Variants in CTIF observed in about 807,000 individuals in gnomAD.
CTIF encodes cap binding complex dependent translation initiation factor.
CTIF carries 21 observed loss-of-function variants against 66.0 expected under a neutral mutation model. That is an observed-to-expected ratio of 0.32 (90% CI 0.23 to 0.46). The LOEUF (loss-of-function observed/expected upper bound fraction) is 0.46, where lower values mean the gene tolerates loss of function less well. Among genes scored for constraint, CTIF ranks in the 20% least tolerant of loss-of-function variants. The pLI, the probability that CTIF is intolerant of heterozygous loss-of-function variation, is 1.00. For missense variants in CTIF, 739 were observed against 812.7 expected, an observed-to-expected ratio of 0.91 and a Z score of 1.10; for synonymous variants, 345 against 326.4, an observed-to-expected ratio of 1.06 and a Z score of -0.62.
intron 10 of CTIF, chr18:48,826,034 A>T (rs2068575805): frequency 6.6e-6 from 1 of 152,226 alleles, no homozygotes; most frequent in Non-Finnish European, 1.5e-5. Context: ...GAGAGACCTG[A>T]GTTTGAATCC....
intron 9 of CTIF, among the ~76,000 whole-genome samples, chr18:48,814,129 C>T (rs143220476): frequency 1.7e-3 from 266 of 152,296 alleles, no homozygotes; most frequent in African/African-American, 5.3e-3. Flanking sequence ...CTGTTATCTT[C>T]CTTCTCAGTG....
chr18:48,747,713 C>A (rs1907367914), intron 7 of CTIF, among the ~76,000 whole-genome samples: 1 of 149,990 alleles, frequency 6.7e-6, no homozygotes, highest in Admixed American at 6.7e-5. Context: ...TCAAGACCAG[C>A]ATGGGCAACA....
At chr18:48,848,178 G>A (rs1468409681) in intron 10 of CTIF, among the ~76,000 whole-genome samples, 3 of 152,264 alleles carry the variant, frequency 2.0e-5, no homozygotes, top group South Asian at 4.2e-4. Context: ...CGCCACCACG[G>A]CCTTTACCCG....
chr18:48,706,902 C>T (rs879769919), intron 6 of CTIF, among the ~76,000 whole-genome samples: 5 of 152,154 alleles, frequency 3.3e-5, no homozygotes, highest in African/African-American at 7.2e-5. Flanking sequence ...ATTTAGTTAC[C>T]GGAAGTGGTC....
chr18:48,804,054 C>A (rs546186793), intron 9 of CTIF, among the ~76,000 whole-genome samples: 2 of 152,306 alleles, frequency 1.3e-5, no homozygotes, highest in African/African-American at 4.8e-5. Context: ...GAGATGGTTT[C>A]TGTCACTGGC....
rs972389604 is a variant in CTIF, at chr18:48,741,282, C to G, written c.585-16637C>G. On this transcript the variant is annotated intron_variant, in intron 7 of 11. Coordinates refer to ENST00000256413, the MANE Select transcript of CTIF (RefSeq NM_014772.3). ...GGTCTGCTCTTTACTCTGCCCCCGC[C>G]CCCCCTCCTTGGTACATGTTGCCAG... Among the ~76,000 whole-genome samples, 467 of 148,858 alleles carry G rather than the reference C, an allele frequency of 3.1e-3. 14 individuals are homozygous for G. Among genetic ancestry groups the G allele is most frequent in the African/African-American group, 0.011 (435 of 40,850 alleles).
intron 10 of CTIF, among the ~76,000 whole-genome samples, chr18:48,837,138 A>G (rs957848925): frequency 1.3e-5 from 2 of 152,178 alleles, no homozygotes; most frequent in Admixed American, 6.5e-5. Context: ...TCCAATGCCC[A>G]GGGGCTGGGG....
intron 6 of CTIF, among the ~76,000 whole-genome samples, chr18:48,675,205 C>A (rs1193531446): frequency 2.0e-5 from 3 of 152,174 alleles, no homozygotes; most frequent in Non-Finnish European, 2.9e-5. Context: ...CTAGGGGACC[C>A]CCAAATTCCA....
chr18:48,787,908 C>A (rs1911857547), intron 9 of CTIF, among the ~76,000 whole-genome samples: 1 of 152,190 alleles, frequency 6.6e-6, no homozygotes, highest in Non-Finnish European at 1.5e-5. Flanking sequence ...GTCCACAGTG[C>A]CAAGGGTTGG....
intron 1 of CTIF, among the ~76,000 whole-genome samples, chr18:48,586,551 G>A (rs150779148): frequency 5.2e-3 from 794 of 152,282 alleles, no homozygotes; most frequent in African/African-American, 0.017. Context: ...GATTATAGGC[G>A]TGAGCCACCA....
chr18:48,857,460 C>A, intron 10 of CTIF, 128 bp from the exon 11 acceptor site: 1 of 759,370 alleles, frequency 1.3e-6, no homozygotes, highest in Non-Finnish European at 2.1e-6. Flanking sequence ...CTAGCCTGAA[C>A]CTTGGAGATG....
intron 5 of CTIF, 110 bp from the exon 6 acceptor site, chr18:48,670,559 G>C: frequency 1.1e-6 from 1 of 945,558 alleles, no homozygotes; most frequent in South Asian, 1.4e-5. Context: ...GGGCTTGAGG[G>C]TGGGCAGCAC....
chr18:48,859,452 C>A lies in CTIF; in HGVS notation c.1690C>A (p.Arg564=). 1 of 1,614,192 alleles carries A rather than the reference C, an allele frequency of 6.2e-7. No individual in the cohort carries two copies. Among genetic ancestry groups the A allele is most frequent in the Non-Finnish European group, 8.5e-7 (1 of 1,180,026 alleles). Residue 564 remains arginine, a synonymous_variant, in exon 12 of 12, where the codon CGG becomes AGG. Coordinates refer to ENST00000256413, the MANE Select transcript of CTIF (RefSeq NM_014772.3). ...MLCPSESMLT[R]SLLLEVIELH... ...GTGCCCCTCGGAGTCCATGCTGACCCGGTCGCTGCTCCTAGAGGTCATCGA... is the reference window on the plus strand; with the variant it reads ...GTGCCCCTCGGAGTCCATGCTGACCAGGTCGCTGCTCCTAGAGGTCATCGA...
intron 6 of CTIF, among the ~76,000 whole-genome samples, chr18:48,709,991 A>G (rs1220376997): frequency 2.6e-5 from 4 of 152,230 alleles, no homozygotes; most frequent in Admixed American, 2.6e-4. Flanking sequence ...CATAACTCCA[A>G]GGTCCCTGTG....
chr18:48,646,174 G>A (rs1337155741), intron 3 of CTIF, among the ~76,000 whole-genome samples: 1 of 151,928 alleles, frequency 6.6e-6, no homozygotes, highest in African/African-American at 2.4e-5. Flanking sequence ...TCTGACAAAC[G>A]GCTCGTATTT....
intron 1 of CTIF, among the ~76,000 whole-genome samples, chr18:48,546,371 G>A (rs1424810879): frequency 6.6e-6 from 1 of 152,182 alleles, no homozygotes; most frequent in Non-Finnish European, 1.5e-5. Flanking sequence ...AGTCGTCTGG[G>A]GTGGGAGGTC....
chr18:48,602,274 G>A (rs538991463), intron 1 of CTIF, among the ~76,000 whole-genome samples: 2 of 152,220 alleles, frequency 1.3e-5, no homozygotes, highest in Non-Finnish European at 2.9e-5. Context: ...TAATATTAGA[G>A]AAGCAAATAT....
chr18:48,571,469 A>G (rs2089414849), intron 1 of CTIF, among the ~76,000 whole-genome samples: 2 of 152,132 alleles, frequency 1.3e-5, no homozygotes, highest in South Asian at 4.1e-4. Context: ...TAGCACTTTT[A>G]AAAATATTTT....
At chr18:48,661,593 C>A (rs1027595679) in intron 3 of CTIF, among the ~76,000 whole-genome samples, 30 of 151,964 alleles carry the variant, frequency 2.0e-4, no homozygotes, top group African/African-American at 6.8e-4. Flanking sequence ...GCAAGCAGGG[C>A]CCCAGGAGTT....
Sources: allele counts gnomAD v4.1 joint callset (sites outside exome capture counted in the v4.1 genomes callset), GRCh38; gene constraint gnomAD v4.1.1; transcripts MANE v1.5; gene names NCBI Gene and HGNC (gene_info 2026-07-23, HGNC 2026-07-21).